The following CPQ variants were observed in gnomAD, a reference collection of about 807,000 sequenced individuals.
CPQ encodes Ser-Met dipeptidase.
CPQ carries 37 observed loss-of-function variants against 45.7 expected under a neutral mutation model. That is an observed-to-expected ratio of 0.81 (90% confidence interval 0.62 to 1.07). CPQ has a LOEUF of 1.07. CPQ is among the 50% of genes least tolerant of loss of function. The pLI is 0.00. For missense variants in CPQ, 537 were observed against 572.9 expected, an observed-to-expected ratio of 0.94 and a Z score of 0.64; for synonymous variants, 186 against 205.8, an observed-to-expected ratio of 0.90 and a Z score of 0.82.
In CPQ at chr8:97,082,879, C is replaced by CT. The variant is rs367812539; in HGVS notation, c.1255+16670dup. ...TAAGTGTTATTTATAGGAACACTCTCTACAGCTACTCTAACGTGTATGTTA... is the reference window on the plus strand; with the variant it reads ...TAAGTGTTATTTATAGGAACACTCTCTTACAGCTACTCTAACGTGTATGTTA... On this transcript the variant is annotated intron_variant, in intron 7 of 7. Transcript: ENST00000220763. Among the ~76,000 whole-genome samples, 780 of 152,290 alleles carry CT rather than the reference C, an allele frequency of 5.1e-3. 8 individuals carry two copies. The highest frequency in any genetic ancestry group is 0.018 in the African/African-American group (753 of 41,556).
At chr8:96,988,419 T>C (rs1809029753) in intron 5 of CPQ, among the ~76,000 whole-genome samples, 1 of 152,216 alleles carries the variant, frequency 6.6e-6, no homozygotes, top group Non-Finnish European at 1.5e-5. Flanking sequence ...TTTCTGTATA[T>C]TTCAGACTGG....
intron 1 of CPQ, among the ~76,000 whole-genome samples, chr8:96,740,077 A>G (rs984867590): frequency 6.6e-6 from 1 of 151,942 alleles, no homozygotes; most frequent in Non-Finnish European, 1.5e-5. Context: ...CATGATATTG[A>G]TTCTTCCTAC....
chr8:96,851,607 C>T (rs1355995865), intron 3 of CPQ, among the ~76,000 whole-genome samples: 1 of 152,150 alleles, frequency 6.6e-6, no homozygotes, highest in Admixed American at 6.5e-5. Context: ...TTTATAAAAG[C>T]CTTAATCCCA....
chr8:96,774,228 G>A (rs1291989428), intron 1 of CPQ, among the ~76,000 whole-genome samples: 1 of 151,196 alleles, frequency 6.6e-6, no homozygotes, highest in Non-Finnish European at 1.5e-5. Flanking sequence ...CCAAGACTGT[G>A]CCATTGCACT....
intron 4 of CPQ, among the ~76,000 whole-genome samples, chr8:96,904,513 G>C (rs1812551485): frequency 6.6e-6 from 1 of 152,144 alleles, no homozygotes; most frequent in African/African-American, 2.4e-5. Context: ...ATGTGACTTT[G>C]ATCTGTCACC....
chr8:97,115,005 A>G (rs1025244205), intron 7 of CPQ, among the ~76,000 whole-genome samples: 7 of 152,208 alleles, frequency 4.6e-5, no homozygotes, highest in Non-Finnish European at 8.8e-5. Flanking sequence ...GACAGTTTCC[A>G]TCCACAGTCC....
At chr8:96,735,581 A>G (rs1046250637) in intron 1 of CPQ, among the ~76,000 whole-genome samples, 2 of 152,212 alleles carry the variant, frequency 1.3e-5, no homozygotes, top group African/African-American at 4.8e-5. Context: ...TGTGTCCCCA[A>G]ACAAAAGCTG....
chr8:96,886,156 C>G (rs1246614107), intron 4 of CPQ, among the ~76,000 whole-genome samples: 1 of 152,168 alleles, frequency 6.6e-6, no homozygotes, highest in African/African-American at 2.4e-5. Context: ...AAACTGTACT[C>G]TTCTGTGATT....
chr8:97,006,172 A>G (rs1041766944), intron 5 of CPQ, among the ~76,000 whole-genome samples: 14 of 152,210 alleles, frequency 9.2e-5, no homozygotes, highest in African/African-American at 2.9e-4. Flanking sequence ...TTGTAGAATA[A>G]GGCTCTCAGA....
chr8:96,913,597 C>T (rs1404081910), intron 4 of CPQ, among the ~76,000 whole-genome samples: 1 of 152,170 alleles, frequency 6.6e-6, no homozygotes, highest in Non-Finnish European at 1.5e-5. Context: ...TCTAATTCCC[C>T]TTCTAGCCAA....
At chr8:97,074,640 G>A (rs1218427232) in intron 7 of CPQ, among the ~76,000 whole-genome samples, 2 of 152,058 alleles carry the variant, frequency 1.3e-5, no homozygotes, top group African/African-American at 2.4e-5. Flanking sequence ...ATGTAGTAGC[G>A]GGTGCCTGTA....
At chr8:97,111,526 G>A (rs1811498106) in intron 7 of CPQ, among the ~76,000 whole-genome samples, 1 of 152,186 alleles carries the variant, frequency 6.6e-6, no homozygotes, top group African/African-American at 2.4e-5. Context: ...CTCTTTTGAT[G>A]TCCCTTGTTC....
chr8:97,097,946 A>G (rs1811237508), intron 7 of CPQ, among the ~76,000 whole-genome samples: 1 of 152,230 alleles, frequency 6.6e-6, no homozygotes, highest in South Asian at 2.1e-4. Context: ...AAGGGGAGCC[A>G]GGAAATGTTG....
intron 7 of CPQ, among the ~76,000 whole-genome samples, chr8:97,102,954 G>A (rs1041851652): frequency 4.6e-5 from 7 of 152,182 alleles, no homozygotes; most frequent in African/African-American, 1.7e-4. Flanking sequence ...TCTTTACAGA[G>A]TGTCTGAGGG....
chr8:96,928,785 G>A (rs146730011), intron 4 of CPQ, among the ~76,000 whole-genome samples: 168 of 152,192 alleles, frequency 1.1e-3, no homozygotes, highest in African/African-American at 3.3e-3. Flanking sequence ...ATTGGCTTCC[G>A]AAGTTCAGAC....
chr8:96,821,264 G>A lies in CPQ; in HGVS notation c.434-13709G>A, dbSNP rs113866051. 1.6e-3 allele frequency among the ~76,000 whole-genome samples: 232 copies of A among 147,270 alleles called. 1 individual carries two copies. Among genetic ancestry groups the A allele is most frequent in the African/African-American group, 5.7e-3 (227 of 40,018 alleles). On this transcript the variant is annotated intron_variant, in intron 2 of 7. Coordinates refer to ENST00000220763, the MANE Select transcript of CPQ (RefSeq NM_016134.4). ...GTGTTGTCTTTTCACTTTGTCGATT[G>A]TTTGCTGTGCAGAAGCTTTTTAGGT... is the stretch of plus-strand genomic sequence containing the variant.
chr8:96,742,973 G>A lies in CPQ; in HGVS notation c.-34-41891G>A, dbSNP rs1224910329. On this transcript the variant is annotated intron_variant, in intron 1 of 7. Transcript: ENST00000220763. ...TGTGTCTTGGTGTTGCTCTTCTCGA[G>A]GAGTATCTTTGTGGTGTTCTCTGTA... Among the ~76,000 whole-genome samples the A allele has an allele frequency of 3.9e-5, 6 of 152,088 alleles. No homozygotes were observed. The East Asian group carries it at 1.2e-3, about 29-fold the overall frequency.
chr8:96,737,929 G>T (rs1457993865), intron 1 of CPQ, among the ~76,000 whole-genome samples: 1 of 151,962 alleles, frequency 6.6e-6, no homozygotes, highest in Non-Finnish European at 1.5e-5. Context: ...TCTTTCAGTT[G>T]TATGTATTTT....
intron 4 of CPQ, among the ~76,000 whole-genome samples, chr8:96,959,891 C>CAAAAAAA (rs540520742): frequency 1.7e-4 from 14 of 80,538 alleles, no homozygotes; most frequent in East Asian, 9.9e-4. Context: ...ATCACAAAAG[C>CAAAAAAA]AAAAAAAAAA....
Sources: allele counts gnomAD v4.1 joint callset (sites outside exome capture counted in the v4.1 genomes callset), GRCh38; gene constraint gnomAD v4.1.1; transcripts MANE v1.5; gene names NCBI Gene and HGNC (gene_info 2026-07-23, HGNC 2026-07-21).